C12orf54: variants seen among roughly 807,000 people sequenced by gnomAD.
C12orf54 encodes chromosome 12 open reading frame 54.
Under a neutral mutation model 26.4 loss-of-function variants are expected in C12orf54, and 24 were observed. The ratio of observed to expected loss-of-function variants is 0.91; its 90% CI spans 0.66 to 1.28. C12orf54 has a LOEUF of 1.28. Among genes scored for constraint, C12orf54 ranks in the 50% most tolerant of loss-of-function variants. C12orf54 has a pLI of 0.00. For missense variants in C12orf54, 154 were observed against 150.9 expected (o/e 1.02, Z -0.11); for synonymous variants, 54 against 47.0 (o/e 1.15, Z -0.61).
chr12:48,458,701 ACACCTGCTC>A, the C12orf54 span, among the ~76,000 whole-genome samples: 1 of 151,482 alleles, frequency 6.6e-6, no homozygotes, highest in South Asian at 2.1e-4. Context: ...TTTATGCCTG[ACACCTGCTC>A]CACAGAGGAT....
At chr12:48,419,384 C>A in the C12orf54 span, among the ~76,000 whole-genome samples, 3 of 152,070 alleles carry the variant, frequency 2.0e-5, no homozygotes, top group Non-Finnish European at 2.9e-5. Context: ...ATCTCTCTTG[C>A]GTGGTTTTAA....
upstream of C12orf54, among the ~76,000 whole-genome samples, chr12:48,481,261 T>A (rs1392966363): frequency 6.6e-6 from 1 of 151,156 alleles, no homozygotes; most frequent in East Asian, 1.9e-4. Context: ...TTGAGAGAGG[T>A]AGGAATTGAG....
intron 7 of C12orf54, among the ~76,000 whole-genome samples, chr12:48,493,934 T>A (rs894927594): frequency 2.0e-5 from 3 of 146,536 alleles, no homozygotes; most frequent in South Asian, 2.2e-4. Flanking sequence ...AAAAAAAAAA[T>A]TAGGCCAGGT....
the C12orf54 span, among the ~76,000 whole-genome samples, chr12:48,431,338 A>G: frequency 3.9e-5 from 6 of 152,342 alleles, no homozygotes; most frequent in South Asian, 1.2e-3. Context: ...GTTAATTATA[A>G]AATTTAGATG....
At chr12:48,480,959 A>G (rs1021872517), upstream of C12orf54, among the ~76,000 whole-genome samples, 6 of 152,174 alleles carry the variant, frequency 3.9e-5, no homozygotes, top group Non-Finnish European at 1.5e-5. Flanking sequence ...GCAAGCTAAC[A>G]CAGAAACAGA....
chr12:48,418,035 A>G, the C12orf54 span, among the ~76,000 whole-genome samples: 9 of 152,184 alleles, frequency 5.9e-5, no homozygotes, highest in Non-Finnish European at 8.8e-5. Context: ...AAAAATTTAG[A>G]TAGAAAACAG....
chr12:48,473,782 G>A, the C12orf54 span, among the ~76,000 whole-genome samples: 197 of 152,274 alleles, frequency 1.3e-3, no homozygotes, highest in Non-Finnish European at 2.5e-3. Context: ...GTGGAAGTCC[G>A]CGGCTGGTCT....
At chr12:48,427,732 A>C in the C12orf54 span, among the ~76,000 whole-genome samples, 1 of 152,100 alleles carries the variant, frequency 6.6e-6, no homozygotes, top group African/African-American at 2.4e-5. Flanking sequence ...GGGGGACTTC[A>C]ATACTCCATT....
chr12:48,482,308 T>A (rs562492659), upstream of C12orf54, among the ~76,000 whole-genome samples: 52 of 152,292 alleles, frequency 3.4e-4, no homozygotes, highest in African/African-American at 1.2e-3. Flanking sequence ...TAGAAGGCAA[T>A]GAAGAAGCAA....
At chr12:48,418,471 C>T in the C12orf54 span, among the ~76,000 whole-genome samples, 3 of 152,016 alleles carry the variant, frequency 2.0e-5, no homozygotes, top group African/African-American at 7.3e-5. Flanking sequence ...TTATGTCAGA[C>T]ATGTGAGGGG....
chr12:48,477,203 AC>A, the C12orf54 span, among the ~76,000 whole-genome samples: 1 of 152,226 alleles, frequency 6.6e-6, no homozygotes, highest in East Asian at 1.9e-4. Flanking sequence ...ACCAATGAGA[AC>A]GAAGACACAA....
chr12:48,439,569 T>TA, the C12orf54 span, among the ~76,000 whole-genome samples: 1 of 152,102 alleles, frequency 6.6e-6, no homozygotes, highest in Non-Finnish European at 1.5e-5. Context: ...TGTGCAGCCA[T>TA]AAAAAGGATG....
chr12:48,437,429 C>G, the C12orf54 span, among the ~76,000 whole-genome samples: 1 of 152,106 alleles, frequency 6.6e-6, no homozygotes, highest in Non-Finnish European at 1.5e-5. Context: ...CATACCAAAG[C>G]CGGGCAGAGA....
chr12:48,442,552 T>G, the C12orf54 span: 30 of 157,598 alleles, frequency 1.9e-4, no homozygotes, highest in Non-Finnish European at 3.5e-4. Flanking sequence ...TGTTCATCAC[T>G]TGGCCATAGA....
chr12:48,476,266 A>G, the C12orf54 span, among the ~76,000 whole-genome samples: 2 of 152,222 alleles, frequency 1.3e-5, no homozygotes, highest in African/African-American at 4.8e-5. Flanking sequence ...AGAAAGGAAC[A>G]ACCAGTACCA....
chr12:48,437,226 C>T, the C12orf54 span, among the ~76,000 whole-genome samples: 1 of 152,044 alleles, frequency 6.6e-6, no homozygotes, highest in Non-Finnish European at 1.5e-5. Context: ...CTGAATAGAC[C>T]AATAACAGGC....
At chr12:48,454,331 C>G in the C12orf54 span, among the ~76,000 whole-genome samples, 1 of 152,086 alleles carries the variant, frequency 6.6e-6, no homozygotes, top group East Asian at 1.9e-4. Flanking sequence ...CATCTCCTGA[C>G]GTCGTGATCT....
intron 5 of C12orf54, 90 bp from the exon 6 acceptor site, chr12:48,490,722 C>T (rs117686257): frequency 3.6e-5 from 52 of 1,461,208 alleles, no homozygotes; most frequent in Non-Finnish European, 4.7e-5. Context: ...ACAGACATCC[C>T]TGCATTTGAC....
chr12:48,434,667 T>A, the C12orf54 span, among the ~76,000 whole-genome samples: 9 of 152,286 alleles, frequency 5.9e-5, no homozygotes, highest in Admixed American at 5.2e-4. Context: ...GGAGTGAACC[T>A]CCAGGAAACT....
Sources: allele counts gnomAD v4.1 joint callset (sites outside exome capture counted in the v4.1 genomes callset), GRCh38; gene constraint gnomAD v4.1.1; transcripts MANE v1.5; gene names NCBI Gene and HGNC (gene_info 2026-07-23, HGNC 2026-07-21).